ATP9B: variants seen among roughly 807,000 people sequenced by gnomAD.
ATP9B encodes ATPase phospholipid transporting 9B.
In ATP9B, 110 loss-of-function variants were observed where a neutral mutation model predicts 146.1. The observed-to-expected ratio is 0.75, with a 90% CI of 0.65 to 0.88. The LOEUF is 0.88. Among genes scored for constraint, ATP9B ranks in the 40% least tolerant of loss-of-function variants. The pLI, the probability that ATP9B is intolerant of heterozygous loss-of-function variation, is 0.00. For synonymous variants in ATP9B, 604 were observed against 569.7 expected, an observed-to-expected ratio of 1.06 and a Z score of -0.86; for missense variants, 1,499 against 1,496.4, an observed-to-expected ratio of 1.00 and a Z score of -0.03.
intron 25 of ATP9B, chr18:79,353,213 A>T (rs1035546819): frequency 6.6e-6 from 1 of 152,304 alleles, no homozygotes; most frequent in Non-Finnish European, 1.5e-5. Context: ...GGCAGTTTTT[A>T]TGAAATTAAA....
intron 15 of ATP9B, among the ~76,000 whole-genome samples, chr18:79,308,084 C>A (rs983939864): frequency 2.0e-5 from 3 of 152,034 alleles, no homozygotes; most frequent in African/African-American, 7.2e-5. Flanking sequence ...TACAAAAGAG[C>A]GCCATCATCC....
chr18:79,298,713 T>C (rs1168734868), intron 13 of ATP9B, among the ~76,000 whole-genome samples: 1 of 146,242 alleles, frequency 6.8e-6, no homozygotes, highest in Admixed American at 7.0e-5. Flanking sequence ...GACTGTGTGG[T>C]ATTGGGGGAT....
Position 79,307,145 on chromosome 18 carries a change from G to T in ATP9B, c.1684G>T (p.Ala562Ser), listed in dbSNP as rs766252452. Reference protein sequence around the residue: ...HNVTPVYESRAGVTEETEFAE... With the variant: ...HNVTPVYESRSGVTEETEFAE... ...CGTGACCCCCGTGTATGAGTCTCGG[G>T]CCGGCGTTACTGAGGAGACTGAGTT... is the stretch of plus-strand genomic sequence containing the variant. The change falls in exon 15 of 30, where the codon GCC becomes TCC. Residue 562 changes from alanine (A) to serine (S), a missense_variant. Ala to Ser is a moderately conservative substitution (Grantham distance 99). Transcript: ENST00000426216. The T allele has an allele frequency of 6.2e-7, 1 of 1,614,208 alleles. No individual in the cohort carries two copies. The highest frequency in any genetic ancestry group is 8.5e-7 in the Non-Finnish European group (1 of 1,180,040).
chr18:79,072,194 C>T (rs1458498970), intron 1 of ATP9B, among the ~76,000 whole-genome samples: 2 of 150,212 alleles, frequency 1.3e-5, no homozygotes, highest in African/African-American at 2.5e-5. Flanking sequence ...GGGTGTTTCT[C>T]GGAGAGGGGG....
At chr18:79,252,989 C>T (rs770478471) in intron 11 of ATP9B, among the ~76,000 whole-genome samples, 1 of 152,180 alleles carries the variant, frequency 6.6e-6, no homozygotes, top group Non-Finnish European at 1.5e-5. Context: ...GACCCGCCTG[C>T]GCCCTCAGAA....
intron 1 of ATP9B, among the ~76,000 whole-genome samples, chr18:79,094,072 A>G (rs1344153603): frequency 1.3e-5 from 2 of 152,208 alleles, no homozygotes; most frequent in African/African-American, 4.8e-5. Flanking sequence ...TGACCTGGGT[A>G]GGTTTAGACC....
intron 8 of ATP9B, among the ~76,000 whole-genome samples, chr18:79,189,077 G>A (rs1421696004): frequency 2.6e-5 from 4 of 152,078 alleles, no homozygotes; most frequent in Admixed American, 6.5e-5. Flanking sequence ...GGCCAGGCAC[G>A]GTGGATCACG....
chr18:79,372,770 G>GT, intron 26 of ATP9B, 55 bp from the exon 27 acceptor site: 1 of 1,188,382 alleles, frequency 8.4e-7, no homozygotes, highest in Non-Finnish European at 1.3e-6. Context: ...CCTGGAAGGC[G>GT]TGAGTCAAGC....
chr18:79,114,055 C>G (rs1468244338), intron 4 of ATP9B, among the ~76,000 whole-genome samples: 1 of 152,166 alleles, frequency 6.6e-6, no homozygotes, highest in Non-Finnish European at 1.5e-5. Context: ...ACTGCAACCT[C>G]CGCCTCCCGG....
At chr18:79,125,818 A>G (rs774282957) in intron 4 of ATP9B, among the ~76,000 whole-genome samples, 2 of 152,172 alleles carry the variant, frequency 1.3e-5, no homozygotes, top group Non-Finnish European at 2.9e-5. Flanking sequence ...AAGAAAATCG[A>G]TGTGTGATTA....
Position 79,180,978 on chromosome 18 carries a change from T to G in ATP9B, c.873+4071T>G, listed in dbSNP as rs73486181. Among the ~76,000 whole-genome samples the G allele has an allele frequency of 8.6e-3, 1,294 of 151,010 alleles. 16 individuals carry two copies. Among genetic ancestry groups the G allele is most frequent in the African/African-American group, 0.029 (1,198 of 41,232 alleles). On this transcript the variant is annotated intron_variant, in intron 8 of 29. Transcript: ENST00000426216. ...CCCGGCTAATTTTTGTTTTTTTGTTTTTTTTTTTTTTAAGTGGAGACGGGG... is the reference window on the plus strand; with the variant it reads ...CCCGGCTAATTTTTGTTTTTTTGTTGTTTTTTTTTTTAAGTGGAGACGGGG...
intron 13 of ATP9B, 93 bp downstream of exon 13, chr18:79,277,289 A>ATATATGTGTATGTG: frequency 6.8e-7 from 1 of 1,462,762 alleles, no homozygotes; most frequent in Non-Finnish European, 9.4e-7. Context: ...ATGTGTATGT[A>ATATATGTGTATGTG]TATATGTGTA....
intron 11 of ATP9B, among the ~76,000 whole-genome samples, chr18:79,216,970 C>CAT (rs1402188336): frequency 6.6e-6 from 1 of 152,170 alleles, no homozygotes. Context: ...GCTTGGAGAA[C>CAT]ATTGACCACA....
intron 7 of ATP9B, among the ~76,000 whole-genome samples, chr18:79,158,732 C>T (rs542165429): frequency 2.2e-4 from 33 of 152,290 alleles, no homozygotes; most frequent in African/African-American, 7.5e-4. Flanking sequence ...GAAGTTTATT[C>T]ACATTTGTGA....
intron 11 of ATP9B, among the ~76,000 whole-genome samples, chr18:79,223,209 TG>T (rs1288493895): frequency 2.0e-5 from 3 of 152,212 alleles, no homozygotes; most frequent in Admixed American, 2.0e-4. Context: ...AGTCCAGCTG[TG>T]GTGTACTTTG....
At chr18:79,218,682 A>G (rs2095651267) in intron 11 of ATP9B, among the ~76,000 whole-genome samples, 1 of 152,180 alleles carries the variant, frequency 6.6e-6, no homozygotes, top group African/African-American at 2.4e-5. Context: ...CCTGTTGGTC[A>G]TGGTCACTCA....
rs770297611 is a variant in ATP9B, at chr18:79,374,066, A to G, written c.3239A>G (p.Tyr1080Cys). 9.9e-6 allele frequency: 16 copies of G among 1,614,034 alleles called. No individual in the cohort carries two copies. Among genetic ancestry groups the G allele is most frequent in the Admixed American group, 1.7e-5 (1 of 60,010 alleles). ...VVAEFLSLGC[Y>C]VSSLAFLNEY... ...GCCGAGTTCCTCAGCTTAGGCTGCT[A>G]CGTGTCCTCACTCGCTTTTCTCAAT... Residue 1080 changes from tyrosine (Y) to cysteine (C), a missense_variant, in exon 28 of 30, where the codon TAC (tyrosine) becomes TGC (cysteine). Coordinates refer to ENST00000426216, the MANE Select transcript of ATP9B (RefSeq NM_198531.5).
chr18:79,175,723 CACAA>C lies in ATP9B; in HGVS notation c.779-1086_779-1083del, dbSNP rs1023571155. Among the ~76,000 whole-genome samples the C allele has an allele frequency of 1.1e-4, 17 of 152,258 alleles. 1 individual carries two copies. The highest frequency in any genetic ancestry group is 1.0e-3 in the South Asian group (5 of 4,824). ...CATATTATACACAGATACCCATGTA[CACAA>C]ACATACACACAAGCACACACAAATA... On this transcript the variant is annotated intron_variant, in intron 7 of 29. Transcript: ENST00000426216.
rs368909324 is a variant in ATP9B, at chr18:79,073,225, G to T, written c.119+3696G>T. 3.8e-4 allele frequency among the ~76,000 whole-genome samples: 58 copies of T among 152,308 alleles called. No individual in the cohort carries two copies. The East Asian group carries it at 9.1e-3, about 24-fold the overall frequency. On this transcript the variant is annotated intron_variant, in intron 1 of 29. Transcript: ENST00000426216. ...AGACGCTCCTCACTTCCTAGATGGG[G>T]TGGCAGCTGGGCAGAGGCTGCAATC...
Sources: gnomAD v4.1 joint callset for allele counts (sites outside exome capture counted in the v4.1 genomes callset) on GRCh38, gnomAD v4.1.1 for gene constraint, MANE v1.5 for transcripts, NCBI Gene and HGNC (gene_info 2026-07-23, HGNC 2026-07-21) for gene names.